The following TXK variants were observed in gnomAD, a reference collection of about 807,000 sequenced individuals.
The protein encoded by TXK is tyrosine-protein kinase TXK.
A neutral mutation model predicts 81.0 loss-of-function variants in TXK; 60 were observed. That is an observed-to-expected ratio of 0.74 (90% CI 0.60 to 0.92). TXK has a LOEUF of 0.92. TXK is among the 40% of genes least tolerant of loss of function. The pLI, the probability that TXK is intolerant of heterozygous loss-of-function variation, is 0.00. For synonymous variants in TXK, 203 were observed against 210.7 expected, an observed-to-expected ratio of 0.96 and a Z score of 0.32; for missense variants, 581 against 638.3, an observed-to-expected ratio of 0.91 and a Z score of 0.97.
intron 6 of TXK, among the ~76,000 whole-genome samples, chr4:48,102,258 C>A (rs1396274720): frequency 6.6e-6 from 1 of 152,152 alleles, no homozygotes; most frequent in Non-Finnish European, 1.5e-5. Context: ...GGATTACAGG[C>A]TTAAGCCACC....
intron 1 of TXK, among the ~76,000 whole-genome samples, chr4:48,115,012 G>A (rs1481608806): frequency 2.7e-5 from 4 of 148,272 alleles, no homozygotes; most frequent in African/African-American, 7.7e-5. Context: ...GAGGAATCTA[G>A]GTATTGGTAT....
In TXK at chr4:48,078,207, T is replaced by C. The variant is rs535091886; in HGVS notation, c.1173+1705A>G. Among the ~76,000 whole-genome samples the C allele has an allele frequency of 1.1e-4, 17 of 152,346 alleles. No individual in the cohort carries two copies. In the South Asian group the frequency reaches 2.7e-3, roughly 24 times the overall value. On this transcript the variant is annotated intron_variant, in intron 11 of 14. Transcript: ENST00000264316. ...TTGATCTCAAAGACTCTAAGTCTCA[T>C]AAGATAGACTCTAGTATTTGTGTAA...
intron 1 of TXK, among the ~76,000 whole-genome samples, chr4:48,130,541 T>C (rs955691): frequency 0.32 from 48,459 of 152,010 alleles, 8,585 homozygotes; most frequent in East Asian, 0.68. Context: ...CCGCCACCTC[T>C]GTAACCTGGT....
intron 11 of TXK, among the ~76,000 whole-genome samples, chr4:48,076,750 T>G (rs1303421237): frequency 1.3e-5 from 2 of 152,106 alleles, no homozygotes; most frequent in Non-Finnish European, 2.9e-5. Flanking sequence ...CACCTTAGCC[T>G]CTTAAGTAGC....
intron 6 of TXK, among the ~76,000 whole-genome samples, chr4:48,098,480 A>T (rs6822209): frequency 2.0e-5 from 3 of 152,056 alleles, no homozygotes; most frequent in South Asian, 2.1e-4. Flanking sequence ...AGCAGCGCTA[A>T]GGAGAAAAAC....
At chr4:48,095,689 T>C (rs1361418085) in intron 6 of TXK, among the ~76,000 whole-genome samples, 1 of 151,630 alleles carries the variant, frequency 6.6e-6, no homozygotes, top group South Asian at 2.1e-4. Flanking sequence ...TCATGGGAAG[T>C]AGAAAGAAAG....
Position 48,095,203 on chromosome 4 carries a change from A to G in TXK, c.521T>C (p.Ile174Thr). ...TCCTAAATGTCTTGAATCTCTGACA[A>G]TAAATGCACCTTCTTTAGACTGCAA... is the stretch of plus-strand genomic sequence containing the variant. ...LRQESKEGAF[I>T]VRDSRHLGSY... The change falls in exon 7 of 15, where the codon ATT (isoleucine) becomes ACT (threonine). Residue 174 changes from isoleucine to threonine, a missense_variant. Physicochemically the swap from Ile to Thr is moderately conservative, Grantham distance 89 (BLOSUM62 -1). Coordinates refer to ENST00000264316, the MANE Select transcript of TXK (RefSeq NM_003328.3). 1.2e-6 allele frequency: 2 copies of G among 1,613,624 alleles called. No individual in the cohort carries two copies. Among genetic ancestry groups the G allele is most frequent in the Non-Finnish European group, 1.7e-6 (2 of 1,179,702 alleles).
At chr4:48,074,140 A>G in intron 12 of TXK, 87 bp from the exon 13 acceptor site, 1 of 1,030,246 alleles carries the variant, frequency 9.7e-7, no homozygotes, top group Non-Finnish European at 1.5e-6. Context: ...CTAAGTTGCT[A>G]AAAGACAAAG....
intron 10 of TXK, among the ~76,000 whole-genome samples, chr4:48,085,447 T>C (rs1054322385): frequency 1.3e-5 from 2 of 151,594 alleles, no homozygotes; most frequent in Admixed American, 1.3e-4. Context: ...ATTATTGAGC[T>C]GAAAAGAACA....
intron 6 of TXK, among the ~76,000 whole-genome samples, chr4:48,100,063 T>A (rs1718132359): frequency 6.8e-6 from 1 of 146,014 alleles, no homozygotes. Flanking sequence ...TCCCAGCTAC[T>A]CGGGAGGCTG....
At chr4:48,074,108 C>A in intron 12 of TXK, 55 bp from the exon 13 acceptor site, 1 of 1,330,004 alleles carries the variant, frequency 7.5e-7, no homozygotes, top group Non-Finnish European at 1.1e-6. Flanking sequence ...GCTCTATTTA[C>A]TTCAAATCCC....
intron 12 of TXK, among the ~76,000 whole-genome samples, chr4:48,075,714 T>C (rs1717043961): frequency 6.6e-6 from 1 of 152,072 alleles, no homozygotes; most frequent in Admixed American, 6.5e-5. Flanking sequence ...AGCAGCTACC[T>C]GTTTGAATGG....
intron 1 of TXK, 45 bp from the exon 2 acceptor site, chr4:48,114,447 G>T: frequency 6.3e-7 from 1 of 1,584,234 alleles, no homozygotes; most frequent in Non-Finnish European, 8.7e-7. Context: ...CCATGAGTAC[G>T]TGATATTGAG....
Position 48,094,093 on chromosome 4 carries a change from G to C in TXK, c.693C>G (p.His231Gln). Residue 231 changes from histidine to glutamine, a missense_variant, in exon 8 of 15, where the codon CAC becomes CAG. His to Gln is a conservative substitution (Grantham distance 24). Transcript: ENST00000264316. ...CCCTCTTACCGGCTGCATTGTGCTG[G>C]TGATACCAGATTAACTCAGGGATTG... ...FQSIPELIWY[H>Q]QHNAAGLMTR... The C allele has an allele frequency of 6.2e-7, 1 of 1,613,558 alleles. No individual in the cohort carries two copies. The highest frequency in any genetic ancestry group is 8.5e-7 in the Non-Finnish European group (1 of 1,180,034).
At chr4:48,099,614 T>A (rs575837673) in intron 6 of TXK, among the ~76,000 whole-genome samples, 1 of 152,174 alleles carries the variant, frequency 6.6e-6, no homozygotes, top group Non-Finnish European at 1.5e-5. Context: ...ATTAATACAT[T>A]CAGAATATTT....
chr4:48,092,885 G>A (rs1049913020), intron 8 of TXK, among the ~76,000 whole-genome samples: 2 of 152,158 alleles, frequency 1.3e-5, no homozygotes, highest in South Asian at 4.1e-4. Flanking sequence ...CAGGGGATTT[G>A]CTAATAAGGC....
chr4:48,068,059 C>G (rs1218795163), intron 14 of TXK, among the ~76,000 whole-genome samples: 1 of 152,170 alleles, frequency 6.6e-6, no homozygotes, highest in Admixed American at 6.5e-5. Flanking sequence ...AATAAAACGG[C>G]TAGACCTGCA....
At chr4:48,084,437 T>C (rs2109416241) in intron 10 of TXK, among the ~76,000 whole-genome samples, 1 of 152,282 alleles carries the variant, frequency 6.6e-6, no homozygotes, top group Non-Finnish European at 1.5e-5. Context: ...AATTCTCTCA[T>C]TATGACATTA....
rs781683538 is a variant in TXK at position 48,086,583 on chromosome 4, C to G, written c.839G>C (p.Gly280Ala). The change falls in exon 10 of 15, where the codon GGT (glycine) becomes GCT (alanine). Residue 280 changes from glycine (G) to alanine (A), a missense_variant. By Grantham distance (60) the Gly-to-Ala change is moderately conservative. Transcript: ENST00000264316. ...ELAFIKEIGS[G>A]QFGVVHLGEW... ...ACCTAAATGGACCACTCCAAACTGA[C>G]CGCTTCCAATCTCCTTTATAAAAGC... 1 of 1,614,110 alleles carries G rather than the reference C, an allele frequency of 6.2e-7. No individual in the cohort carries two copies.
Sources: gnomAD v4.1 joint callset for allele counts (sites outside exome capture counted in the v4.1 genomes callset) on GRCh38, gnomAD v4.1.1 for gene constraint, MANE v1.5 for transcripts, NCBI Gene and HGNC (gene_info 2026-07-23, HGNC 2026-07-21) for gene names.